The following NBEA variants were observed in gnomAD, a reference collection of about 807,000 sequenced individuals.
NBEA encodes the protein lysosomal-trafficking regulator 2.
In NBEA, 44 loss-of-function variants were observed where a neutral mutation model predicts 343.4. That is an observed-to-expected ratio of 0.13 (90% CI 0.10 to 0.16). NBEA has a LOEUF of 0.16. Ranked by LOEUF, NBEA falls within the 10% of genes least tolerant of loss-of-function variation. NBEA has a pLI of 1.00. For synonymous variants in NBEA, 1,175 were observed against 1,238.7 expected, an observed-to-expected ratio of 0.95 and a Z score of 1.08; for missense variants, 2,555 against 3,631.3, an observed-to-expected ratio of 0.70 and a Z score of 7.62.
intron 34 of NBEA, among the ~76,000 whole-genome samples, chr13:35,234,373 G>A (rs2075125111): frequency 6.6e-6 from 1 of 152,132 alleles, no homozygotes; most frequent in Admixed American, 6.5e-5. Context: ...CGCAGATTGT[G>A]TGTGTAATTT....
At chr13:35,258,009 T>C (rs946430476) in intron 34 of NBEA, among the ~76,000 whole-genome samples, 1 of 152,118 alleles carries the variant, frequency 6.6e-6, no homozygotes, top group African/African-American at 2.4e-5. Context: ...TTTATTATTT[T>C]TATTTGTAAT....
chr13:35,418,795 A>G (rs986390130), intron 38 of NBEA, among the ~76,000 whole-genome samples: 7 of 152,006 alleles, frequency 4.6e-5, no homozygotes, highest in African/African-American at 1.7e-4. Flanking sequence ...ATGAGAATAT[A>G]AGGAGAGTAT....
At chr13:34,954,741 C>A (rs1167772568) in intron 1 of NBEA, among the ~76,000 whole-genome samples, 2 of 152,110 alleles carry the variant, frequency 1.3e-5, no homozygotes, top group Non-Finnish European at 2.9e-5. Context: ...CAAATCATCT[C>A]CAGATTACTT....
intron 45 of NBEA, among the ~76,000 whole-genome samples, chr13:35,580,112 G>A (rs1157860201): frequency 6.6e-6 from 1 of 151,974 alleles, no homozygotes; most frequent in East Asian, 1.9e-4. Context: ...AAGTTTTATA[G>A]GGATAGAAAT....
intron 1 of NBEA, among the ~76,000 whole-genome samples, chr13:35,040,083 T>G (rs1680400074): frequency 6.6e-6 from 1 of 152,174 alleles, no homozygotes; most frequent in African/African-American, 2.4e-5. Context: ...TGTATATGAT[T>G]ATTATTTTAT....
chr13:35,537,742 T>C (rs774334701), intron 41 of NBEA, among the ~76,000 whole-genome samples: 33 of 152,154 alleles, frequency 2.2e-4, no homozygotes, highest in Non-Finnish European at 4.1e-4. Flanking sequence ...GCATTGGCTC[T>C]GTGACAGGAA....
At chr13:35,446,284 C>T (rs915610821) in intron 39 of NBEA, among the ~76,000 whole-genome samples, 8 of 152,092 alleles carry the variant, frequency 5.3e-5, no homozygotes, top group Admixed American at 3.3e-4. Flanking sequence ...CATACGTGTG[C>T]ATGTGTCTTT....
intron 7 of NBEA, among the ~76,000 whole-genome samples, chr13:35,058,060 G>A (rs982083011): frequency 3.3e-5 from 5 of 152,058 alleles, no homozygotes; most frequent in Admixed American, 1.3e-4. Flanking sequence ...TTGGGTGGGC[G>A]GGGTGTAAGA....
intron 34 of NBEA, among the ~76,000 whole-genome samples, chr13:35,261,975 T>C (rs962521967): frequency 7.9e-5 from 12 of 152,216 alleles, no homozygotes; most frequent in African/African-American, 2.7e-4. Flanking sequence ...AAAACTCTTA[T>C]TAGCAAGAGA....
At chr13:35,404,452 A>AG (rs1198178913) in intron 38 of NBEA, among the ~76,000 whole-genome samples, 3 of 151,576 alleles carry the variant, frequency 2.0e-5, no homozygotes, top group Non-Finnish European at 4.4e-5. Context: ...TGTCCTTTGT[A>AG]GGGACATGGA....
At chr13:35,522,495 A>AAAAAAAAC (rs2077767556) in intron 41 of NBEA, among the ~76,000 whole-genome samples, 1 of 144,200 alleles carries the variant, frequency 6.9e-6, no homozygotes, top group Non-Finnish European at 1.5e-5. Context: ...AAAAAAAAAA[A>AAAAAAAAC]AAAAAAAAAA....
intron 25 of NBEA, among the ~76,000 whole-genome samples, chr13:35,170,873 A>T (rs1040903589): frequency 6.6e-6 from 1 of 151,914 alleles, no homozygotes; most frequent in South Asian, 2.1e-4. Flanking sequence ...CAAAGCATAT[A>T]TTTTTATTAA....
intron 18 of NBEA, among the ~76,000 whole-genome samples, chr13:35,148,391 A>G (rs1249952199): frequency 3.3e-5 from 5 of 152,198 alleles, no homozygotes; most frequent in African/African-American, 1.2e-4. Flanking sequence ...TGATCCACAA[A>G]TCTTAAAATA....
At chr13:35,298,068 A>T (rs1849129232) in intron 35 of NBEA, among the ~76,000 whole-genome samples, 1 of 151,604 alleles carries the variant, frequency 6.6e-6, no homozygotes, top group African/African-American at 2.4e-5. Context: ...ATAAGCCATC[A>T]GTTAACACGT....
Position 35,172,821 on chromosome 13 carries a change from T to C in NBEA, c.4424-643T>C, listed in dbSNP as rs76034129. Reference sequence around the variant, plus strand: ...AACCACACAGCTCCAAACTGGAAAATACAGGATTCAAACTCAGGTCACGGT... The same window carrying C: ...AACCACACAGCTCCAAACTGGAAAACACAGGATTCAAACTCAGGTCACGGT... On this transcript the variant is annotated intron_variant, in intron 26 of 58. Transcript: ENST00000379939. 9.8e-3 allele frequency among the ~76,000 whole-genome samples: 1,495 copies of C among 152,170 alleles called. 27 individuals carry two copies. Among genetic ancestry groups the C allele is most frequent in the African/African-American group, 0.034 (1,423 of 41,540 alleles).
chr13:35,127,973 A>G (rs1258671717), intron 17 of NBEA, among the ~76,000 whole-genome samples: 1 of 151,908 alleles, frequency 6.6e-6, no homozygotes, highest in Non-Finnish European at 1.5e-5. Context: ...GATCACAGTA[A>G]TGAAACCCAG....
At chr13:35,409,326 C>A (rs1190434274) in intron 38 of NBEA, among the ~76,000 whole-genome samples, 1 of 152,026 alleles carries the variant, frequency 6.6e-6, no homozygotes, top group Non-Finnish European at 1.5e-5. Context: ...AAATGACACA[C>A]ACTGGGGCCT....
intron 1 of NBEA, among the ~76,000 whole-genome samples, chr13:34,945,311 T>C (rs2059153953): frequency 6.6e-6 from 1 of 152,130 alleles, no homozygotes; most frequent in Admixed American, 6.5e-5. Context: ...TTATATTAAT[T>C]GTGGAGTATA....
At chr13:35,472,268 G>A (rs1336184722) in intron 40 of NBEA, 132 bp from the exon 41 acceptor site, 3 of 864,480 alleles carry the variant, frequency 3.5e-6, no homozygotes, top group Non-Finnish European at 5.1e-6. Flanking sequence ...CGTGAAAAAA[G>A]AGTTTGCCGC....
Sources: gnomAD v4.1 joint callset for allele counts (sites outside exome capture counted in the v4.1 genomes callset) on GRCh38, gnomAD v4.1.1 for gene constraint, MANE v1.5 for transcripts, NCBI Gene and HGNC (gene_info 2026-07-23, HGNC 2026-07-21) for gene names.